TNN: variants seen among roughly 807,000 people sequenced by gnomAD.
TNN encodes the protein tenascin N, also known as tenascin-N.
TNN carries 122 observed loss-of-function variants against 134.4 expected under a neutral mutation model. The ratio of observed to expected loss-of-function variants is 0.91; its 90% CI spans 0.78 to 1.06. TNN has a LOEUF of 1.06. Among genes scored for constraint, TNN ranks in the 50% least tolerant of loss-of-function variants. The pLI, the probability that TNN is intolerant of heterozygous loss-of-function variation, is 0.00. For missense variants in TNN, 1,739 were observed against 1,699.4 expected, an observed-to-expected ratio of 1.02 and a Z score of -0.41; for synonymous variants, 710 against 670.3, an observed-to-expected ratio of 1.06 and a Z score of -0.91.
rs537008413 is a variant in TNN at position 175,117,041 on chromosome 1, G to A, written c.2222G>A (p.Arg741His). ...VRATIDRYVVRYTSAKDGETR... is the reference protein window; with the variant it reads ...VRATIDRYVVHYTSAKDGETR... Reference sequence around the variant, plus strand: ...GCCACCATTGACAGGTATGTGGTGCGCTACACCTCTGCCAAGGACGGAGAG... The same window carrying A: ...GCCACCATTGACAGGTATGTGGTGCACTACACCTCTGCCAAGGACGGAGAG... The change falls in exon 10 of 19, where the codon CGC (arginine) becomes CAC (histidine). Residue 741 changes from arginine (R) to histidine (H), a missense_variant. Arg to His is a conservative substitution (Grantham distance 29). Transcript: ENST00000239462. 30 of 1,614,214 alleles carry A rather than the reference G, an allele frequency of 1.9e-5. 1 individual carries two copies. The East Asian group carries it at 4.9e-4, about 26-fold the overall frequency.
chr1:175,085,519 G>A (rs1290346787), intron 6 of TNN, 25 bp downstream of exon 6: 5 of 1,478,962 alleles, frequency 3.4e-6, no homozygotes, highest in Non-Finnish European at 4.7e-6. Context: ...GAGGCACTAT[G>A]GGCATTTAAT....
chr1:175,085,296 A>T, intron 5 of TNN, 109 bp from the exon 6 acceptor site: 1 of 703,870 alleles, frequency 1.4e-6, no homozygotes, highest in Non-Finnish European at 2.6e-6. Flanking sequence ...TTGGAGGAGG[A>T]AGCATCACCT....
intron 6 of TNN, among the ~76,000 whole-genome samples, chr1:175,092,953 GA>G (rs1369671025): frequency 6.6e-6 from 1 of 152,198 alleles, no homozygotes; most frequent in Non-Finnish European, 1.5e-5. Context: ...ATACACCACT[GA>G]AGCAGCCTCC....
At position 175,077,499 on chromosome 1, in the gene TNN, T is replaced by C. The variant is rs529677727; in HGVS notation, c.81T>C (p.Thr27=). The change falls in exon 2 of 19, where the codon ACT becomes ACC. Residue 27 remains threonine, a synonymous_variant. Coordinates refer to ENST00000239462, the MANE Select transcript of TNN (RefSeq NM_022093.2). ...SVLLVASAPA[T]LEPPGCSNKE... ...TCCTGGTGGCTTCGGCCCCAGCCAC[T>C]CTGGAGCCTCCCGGCTGCAGCAACA... 1 of 1,613,948 alleles carries C rather than the reference T, an allele frequency of 6.2e-7. No individual in the cohort carries two copies. The highest frequency in any genetic ancestry group is 1.3e-5 in the African/African-American group (1 of 75,040).
At chr1:175,082,418 T>C (rs554414376) in intron 4 of TNN, among the ~76,000 whole-genome samples, 40 of 152,218 alleles carry the variant, frequency 2.6e-4, no homozygotes, top group Non-Finnish European at 4.7e-4. Flanking sequence ...ATTAAGTCCT[T>C]GCTTTTTCAT....
At chr1:175,135,995 A>G (rs1241586286) in intron 16 of TNN, 54 bp downstream of exon 16, 3 of 1,339,304 alleles carry the variant, frequency 2.2e-6, no homozygotes, top group Admixed American at 1.7e-5. Flanking sequence ...TTCTCCCAGG[A>G]CAAGCTAGCT....
intron 6 of TNN, among the ~76,000 whole-genome samples, chr1:175,088,426 T>C (rs955667784): frequency 6.6e-6 from 1 of 152,216 alleles, no homozygotes; most frequent in Non-Finnish European, 1.5e-5. Context: ...AATCATAACA[T>C]CACACCTCCC....
At chr1:175,087,868 A>G (rs1405636805) in intron 6 of TNN, among the ~76,000 whole-genome samples, 1 of 152,216 alleles carries the variant, frequency 6.6e-6, no homozygotes, top group Non-Finnish European at 1.5e-5. Flanking sequence ...CTTGAGTTCC[A>G]TTAATTTGCT....
chr1:175,119,568 G>T (rs1223916249), intron 11 of TNN, among the ~76,000 whole-genome samples: 1 of 151,512 alleles, frequency 6.6e-6, no homozygotes, highest in African/African-American at 2.4e-5. Flanking sequence ...GAGTTTCTCT[G>T]GTTCAAGCAT....
intron 1 of TNN, among the ~76,000 whole-genome samples, chr1:175,075,521 C>T (rs888793556): frequency 6.6e-6 from 1 of 152,172 alleles, no homozygotes; most frequent in African/African-American, 2.4e-5. Flanking sequence ...GTCTCGAACT[C>T]CTGGCCTCAA....
chr1:175,068,958 A>G (rs1390886069), intron 1 of TNN, among the ~76,000 whole-genome samples: 1 of 152,188 alleles, frequency 6.6e-6, no homozygotes, highest in Non-Finnish European at 1.5e-5. Flanking sequence ...TAGTTTTTGG[A>G]GGTCTTACTT....
intron 18 of TNN, among the ~76,000 whole-genome samples, chr1:175,145,245 C>T (rs1676034504): frequency 6.6e-6 from 1 of 151,996 alleles, no homozygotes; most frequent in African/African-American, 2.4e-5. Context: ...AGTTGTTCTC[C>T]TAGTTGAACA....
intron 1 of TNN, among the ~76,000 whole-genome samples, chr1:175,071,948 A>C (rs967796645): frequency 3.9e-5 from 6 of 152,190 alleles, no homozygotes; most frequent in African/African-American, 1.4e-4. Flanking sequence ...GGTGATACAG[A>C]GGGGATCAAC....
chr1:175,116,859 C>T, intron 9 of TNN, 80 bp from the exon 10 acceptor site: 1 of 1,596,982 alleles, frequency 6.3e-7, no homozygotes. Flanking sequence ...AGGAAACTGC[C>T]TTACCACAAG....
rs1455183487 is a variant in TNN, at chr1:175,098,476, G to A, written c.2000G>A (p.Gly667Glu). Reference protein sequence around the residue: ...AGGETREVPVGKEQSSTVLTG... With the variant: ...AGGETREVPVEKEQSSTVLTG... ...GGAGAGACCAGGGAGGTTCCGGTGG[G>A]GAAGGAGCAGAGCAGCACAGTCCTG... Residue 667 changes from glycine (G) to glutamate (E), a missense_variant, in exon 9 of 19, where the codon GGG becomes GAG. Gly to Glu is a moderately conservative substitution (Grantham distance 98). Transcript: ENST00000239462. The A allele has an allele frequency of 6.2e-7, 1 of 1,614,072 alleles. No homozygotes were observed. Among genetic ancestry groups the A allele is most frequent in the Admixed American group, 1.7e-5 (1 of 60,002 alleles).
At chr1:175,101,118 A>G (rs912960720) in intron 9 of TNN, among the ~76,000 whole-genome samples, 2 of 152,318 alleles carry the variant, frequency 1.3e-5, no homozygotes, top group Middle Eastern at 3.4e-3. Flanking sequence ...TGACTTCAAG[A>G]ATGAAGCTGC....
intron 15 of TNN, 60 bp from the exon 16 acceptor site, chr1:175,135,785 G>A: frequency 7.2e-7 from 1 of 1,379,508 alleles, no homozygotes; most frequent in South Asian, 1.2e-5. Flanking sequence ...GTCTTCTCTT[G>A]TCTCCCAGCA....
chr1:175,110,222 T>A (rs529717602), intron 9 of TNN, among the ~76,000 whole-genome samples: 1 of 152,316 alleles, frequency 6.6e-6, no homozygotes, highest in South Asian at 2.1e-4. Flanking sequence ...TGATTGTTAT[T>A]ATTATTTTGC....
intron 16 of TNN, 145 bp downstream of exon 16, chr1:175,136,086 G>C: frequency 1.6e-6 from 1 of 629,168 alleles, no homozygotes; most frequent in Non-Finnish European, 2.9e-6. Context: ...GCAGGGTGTT[G>C]GTGGGCATGT....
Sources: allele counts gnomAD v4.1 joint callset (sites outside exome capture counted in the v4.1 genomes callset), GRCh38; gene constraint gnomAD v4.1.1; transcripts MANE v1.5; gene names NCBI Gene and HGNC (gene_info 2026-07-23, HGNC 2026-07-21).